The following KIF16B variants were observed in gnomAD, a reference collection of about 807,000 sequenced individuals.
KIF16B encodes the protein kinesin-like protein KIF16B.
KIF16B carries 98 observed loss-of-function variants against 156.3 expected under a neutral mutation model. The ratio of observed to expected loss-of-function variants is 0.63; its 90% CI spans 0.53 to 0.74. The LOEUF (loss-of-function observed/expected upper bound fraction) is 0.74, where lower values mean the gene tolerates loss of function less well. KIF16B is among the 30% of genes least tolerant of loss of function. The pLI is 0.00. For missense variants in KIF16B, 1,421 were observed against 1,606.5 expected (o/e 0.88, Z 1.97); for synonymous variants, 564 against 583.7 (o/e 0.97, Z 0.49).
intron 15 of KIF16B, 143 bp downstream of exon 15, chr20:16,426,961 A>G (rs1013288543): frequency 1.2e-5 from 7 of 601,674 alleles, no homozygotes; most frequent in Admixed American, 3.0e-5. Context: ...ACAGAAGAGA[A>G]ACAGCCTATT....
chr20:16,280,841 C>CGCGCGTGTGTGTGT (rs112026824), intron 25 of KIF16B, among the ~76,000 whole-genome samples: 80 of 74,462 alleles, frequency 1.1e-3, no homozygotes, highest in East Asian at 7.3e-3. Flanking sequence ...TGCGCGCGCA[C>CGCGCGTGTGTGTGT]GTGTGTGTGT....
At position 16,506,193 on chromosome 20, in the gene KIF16B, G is replaced by C. The variant is rs776617352; in HGVS notation, c.700-3C>G. ...GGCATTTCAGAATCAAATTTAGCCT[G>C]TGGTAAAATAAAAAAGTAAAATTGA... On this transcript the variant is annotated splice_polypyrimidine_tract_variant and splice_region_variant and intron_variant, in intron 7 of 25. Transcript: ENST00000354981. 1.2e-6 allele frequency: 2 copies of C among 1,613,716 alleles called. No homozygotes were observed. Among genetic ancestry groups the C allele is most frequent in the Non-Finnish European group, 1.7e-6 (2 of 1,179,686 alleles).
intron 1 of KIF16B, 139 bp downstream of exon 1, chr20:16,573,090 G>A: frequency 1.3e-6 from 1 of 762,288 alleles, no homozygotes; most frequent in East Asian, 2.7e-5. Context: ...CAGGCCCCCA[G>A]AGGCCACAGC....
At chr20:16,556,672 G>C (rs1394127716) in intron 1 of KIF16B, among the ~76,000 whole-genome samples, 1 of 151,960 alleles carries the variant, frequency 6.6e-6, no homozygotes, top group Non-Finnish European at 1.5e-5. Context: ...CCCTATTCTG[G>C]GCCCACAGAC....
intron 24 of KIF16B, among the ~76,000 whole-genome samples, chr20:16,333,424 C>A (rs988567805): frequency 6.6e-6 from 1 of 152,212 alleles, no homozygotes; most frequent in South Asian, 2.1e-4. Context: ...ATTCTCTCTA[C>A]TTCATGAGAA....
At chr20:16,452,187 G>A (rs915179093) in intron 12 of KIF16B, among the ~76,000 whole-genome samples, 5 of 152,080 alleles carry the variant, frequency 3.3e-5, no homozygotes, top group African/African-American at 1.2e-4. Flanking sequence ...AGGGAGCAGT[G>A]AGAAAAGCAG....
chr20:16,316,905 C>T (rs1165801466), intron 24 of KIF16B, among the ~76,000 whole-genome samples: 1 of 152,114 alleles, frequency 6.6e-6, no homozygotes, highest in African/African-American at 2.4e-5. Context: ...CCAAAGAAAA[C>T]AACCGAACAC....
At chr20:16,518,950 A>G (rs1321581878) in intron 3 of KIF16B, among the ~76,000 whole-genome samples, 1 of 152,118 alleles carries the variant, frequency 6.6e-6, no homozygotes, top group African/African-American at 2.4e-5. Flanking sequence ...CTTCTCGTCC[A>G]CATCCTTAAG....
At chr20:16,398,525 G>A (rs2065570438) in intron 17 of KIF16B, among the ~76,000 whole-genome samples, 1 of 152,150 alleles carries the variant, frequency 6.6e-6, no homozygotes, top group South Asian at 2.1e-4. Context: ...GAGAAAGTCA[G>A]GAATCACAGT....
chr20:16,427,720 T>G (rs1266348978), intron 14 of KIF16B, among the ~76,000 whole-genome samples: 1 of 152,062 alleles, frequency 6.6e-6, no homozygotes, highest in Non-Finnish European at 1.5e-5. Context: ...GAACTTGGCA[T>G]GACATGAATC....
chr20:16,409,980 T>TGTACGTAC lies in KIF16B; in HGVS notation c.1613-3525_1613-3524insGTACGTAC. ...ATATATATATATATACATATATATA[T>TGTACGTAC]ATATATATATATGTAGGTACATATA... On this transcript the variant is annotated intron_variant, in intron 15 of 25. Coordinates refer to ENST00000354981, the MANE Select transcript of KIF16B (RefSeq NM_024704.5). 2.9e-5 allele frequency among the ~76,000 whole-genome samples: 3 copies of TGTACGTAC among 103,020 alleles called. No homozygotes were observed. In the South Asian group the frequency reaches 1.0e-3, roughly 35 times the overall value. The allele number at this position is 103,020 out of a possible 152,430, so 67.6% of individuals were successfully genotyped here.
At chr20:16,497,558 C>T in intron 11 of KIF16B, 55 bp downstream of exon 11, 1 of 1,405,586 alleles carries the variant, frequency 7.1e-7, no homozygotes, top group East Asian at 2.3e-5. Flanking sequence ...AAAGCATGCA[C>T]TTAAAATAAT....
At chr20:16,324,640 T>C (rs1442584814) in intron 24 of KIF16B, among the ~76,000 whole-genome samples, 1 of 152,014 alleles carries the variant, frequency 6.6e-6, no homozygotes, top group Non-Finnish European at 1.5e-5. Flanking sequence ...ACAAGAATAT[T>C]TGTCACTGGA....
intron 1 of KIF16B, among the ~76,000 whole-genome samples, chr20:16,568,879 C>CTGACTT (rs1306911748): frequency 1.6e-5 from 2 of 128,528 alleles, no homozygotes; most frequent in African/African-American, 5.8e-5. Flanking sequence ...TCTTAAGAAA[C>CTGACTT]TGACTTTGAC....
In KIF16B at chr20:16,307,925, T is replaced by A. The variant is rs1474214673; in HGVS notation, c.3795+4410A>T. Reference sequence around the variant, plus strand: ...CATTTGGATATACATATTTATATACTATGTATGTGTGTATATTATACATGT... The same window carrying A: ...CATTTGGATATACATATTTATATACAATGTATGTGTGTATATTATACATGT... On this transcript the variant is annotated intron_variant, in intron 25 of 25. Transcript: ENST00000354981. 2.0e-5 allele frequency among the ~76,000 whole-genome samples: 3 copies of A among 152,200 alleles called. 1 individual carries two copies. The highest frequency in any genetic ancestry group is 7.2e-5 in the African/African-American group (3 of 41,464).
At chr20:16,431,690 C>G (rs2066504239) in intron 12 of KIF16B, among the ~76,000 whole-genome samples, 1 of 151,840 alleles carries the variant, frequency 6.6e-6, no homozygotes, top group Non-Finnish European at 1.5e-5. Flanking sequence ...TTCTGACAAC[C>G]AAAAATGTCT....
chr20:16,459,076 T>C (rs1231710847), intron 12 of KIF16B, among the ~76,000 whole-genome samples: 3 of 152,050 alleles, frequency 2.0e-5, no homozygotes, highest in Non-Finnish European at 4.4e-5. Context: ...TATGTTATAA[T>C]TTTTTTTAAC....
intron 1 of KIF16B, among the ~76,000 whole-genome samples, chr20:16,528,984 A>T (rs1001766632): frequency 6.6e-6 from 1 of 152,220 alleles, no homozygotes; most frequent in Non-Finnish European, 1.5e-5. Context: ...ATAAATGACC[A>T]TACATTTACC....
chr20:16,508,953 G>A (rs1019233723), intron 6 of KIF16B, among the ~76,000 whole-genome samples: 11 of 152,050 alleles, frequency 7.2e-5, no homozygotes, highest in African/African-American at 2.4e-4. Context: ...AAGGTCCCCC[G>A]TCCCTATGCT....
Sources: allele counts gnomAD v4.1 joint callset (sites outside exome capture counted in the v4.1 genomes callset), GRCh38; gene constraint gnomAD v4.1.1; transcripts MANE v1.5; gene names NCBI Gene and HGNC (gene_info 2026-07-23, HGNC 2026-07-21).